NOL10: variants seen among roughly 807,000 people sequenced by gnomAD.
The protein encoded by NOL10 is H_NH0074G24.1.
A neutral mutation model predicts 103.5 loss-of-function variants in NOL10; 58 were observed. The observed-to-expected ratio is 0.56, with a 90% CI of 0.45 to 0.70. NOL10 has a LOEUF of 0.70. Among genes scored for constraint, NOL10 ranks in the 30% least tolerant of loss-of-function variants. The pLI, the probability that NOL10 is intolerant of heterozygous loss-of-function variation, is 0.00. For synonymous variants in NOL10, 287 were observed against 282.5 expected, an observed-to-expected ratio of 1.02 and a Z score of -0.16; for missense variants, 763 against 807.3, an observed-to-expected ratio of 0.95 and a Z score of 0.67.
chr2:10,588,900 A>T, intron 19 of NOL10, 143 bp downstream of exon 19: 1 of 1,260,054 alleles, frequency 7.9e-7, no homozygotes, highest in Non-Finnish European at 1.1e-6. Context: ...GCACGGCCTT[A>T]CCTCCCCTGC....
At chr2:10,601,088 G>A (rs1279190770) in intron 16 of NOL10, 146 bp from the exon 17 acceptor site, 3 of 517,906 alleles carry the variant, frequency 5.8e-6, no homozygotes, top group Non-Finnish European at 9.8e-6. Flanking sequence ...TTTTGAGATG[G>A]AGTCTCGCTC....
At chr2:10,659,506 A>G (rs1680054936) in intron 9 of NOL10, among the ~76,000 whole-genome samples, 2 of 148,114 alleles carry the variant, frequency 1.4e-5, no homozygotes, top group Admixed American at 6.8e-5. Flanking sequence ...GTGAGACACC[A>G]TCTCTACAAA....
At position 10,675,787 on chromosome 2, in the gene NOL10, T is replaced by C; in HGVS notation, c.289+7A>G. The C allele has an allele frequency of 6.6e-7, 1 of 1,510,426 alleles. No individual in the cohort carries two copies. The highest frequency in any genetic ancestry group is 9.0e-7 in the Non-Finnish European group (1 of 1,115,094). The allele number at this position is 1,510,426 out of a possible 1,614,324, so 93.6% of individuals were successfully genotyped here. A position where few individuals can be genotyped will look rare whatever the true frequency, so the allele number is the denominator to read the frequency against. ...TTTCATGAATTCAAATTTAGCTTTT[T>C]ACTCACCTTCTGAATCTAAACACCT... On this transcript the variant is annotated splice_region_variant and intron_variant, in intron 4 of 20. Transcript: ENST00000381685.
At chr2:10,598,695 G>GT (rs1675826086) in intron 17 of NOL10, among the ~76,000 whole-genome samples, 1 of 152,194 alleles carries the variant, frequency 6.6e-6, no homozygotes, top group South Asian at 2.1e-4. Context: ...AACTTAGAAA[G>GT]TGAGTATGAC....
Position 10,607,276 on chromosome 2 carries a change from TAAG to T in NOL10, c.1059_1061del (p.Phe353del), listed in dbSNP as rs755838518. ...CTTCTAATTCTTCGGTCAAGTTGTC[TAAG>T]AAGGAACACCACCGAGGAGCAGGAC... On this transcript the variant is annotated inframe_deletion, in exon 14 of 21. Transcript: ENST00000381685. 1 of 1,609,374 alleles carries T rather than the reference TAAG, an allele frequency of 6.2e-7. No homozygotes were observed. Among genetic ancestry groups the T allele is most frequent in the Non-Finnish European group, 8.5e-7 (1 of 1,177,606 alleles).
chr2:10,596,695 A>G (rs6432109), intron 17 of NOL10, among the ~76,000 whole-genome samples: 90,039 of 152,004 alleles, frequency 0.59, 27,702 homozygotes, highest in African/African-American at 0.74. Flanking sequence ...ACCATGGCCT[A>G]GGGGTTGGAG....
chr2:10,683,987 G>A (rs371408310), intron 2 of NOL10, among the ~76,000 whole-genome samples: 44 of 152,166 alleles, frequency 2.9e-4, no homozygotes, highest in African/African-American at 9.6e-4. Flanking sequence ...TTCTTAAGAA[G>A]GAGAAAGGCG....
intron 17 of NOL10, among the ~76,000 whole-genome samples, chr2:10,600,150 T>C (rs977052577): frequency 1.3e-5 from 2 of 152,222 alleles, no homozygotes; most frequent in Non-Finnish European, 1.5e-5. Context: ...CTTGGCTATC[T>C]GCCTGCCTCA....
chr2:10,664,196 C>T (rs996976665), intron 8 of NOL10, among the ~76,000 whole-genome samples: 5 of 151,700 alleles, frequency 3.3e-5, no homozygotes, highest in African/African-American at 4.8e-5. Flanking sequence ...TTTTGAAGGC[C>T]GAGGTAGGTG....
At chr2:10,639,719 T>C (rs1393892265) in intron 13 of NOL10, among the ~76,000 whole-genome samples, 1 of 152,132 alleles carries the variant, frequency 6.6e-6, no homozygotes, top group Non-Finnish European at 1.5e-5. Context: ...TAAATTATGT[T>C]TCAGAGGAAA....
chr2:10,687,969 C>G (rs1248230847), intron 1 of NOL10, among the ~76,000 whole-genome samples: 1 of 152,156 alleles, frequency 6.6e-6, no homozygotes, highest in Non-Finnish European at 1.5e-5. Flanking sequence ...TCCTCTCCAC[C>G]TTTCAATGTG....
At chr2:10,602,736 ACTCTT>A in intron 16 of NOL10, 35 bp downstream of exon 16, 1 of 1,208,332 alleles carries the variant, frequency 8.3e-7, no homozygotes, top group Admixed American at 2.1e-5. Flanking sequence ...GAAATTAAGT[ACTCTT>A]CTCTGATAAA....
intron 10 of NOL10, among the ~76,000 whole-genome samples, chr2:10,658,444 A>G (rs1319102885): frequency 6.6e-6 from 1 of 152,100 alleles, no homozygotes; most frequent in Non-Finnish European, 1.5e-5. Flanking sequence ...AGGGTTTCAG[A>G]CCTCTTGTAG....
chr2:10,602,515 G>A (rs1238850285), intron 16 of NOL10, among the ~76,000 whole-genome samples: 1 of 152,188 alleles, frequency 6.6e-6, no homozygotes, highest in Non-Finnish European at 1.5e-5. Context: ...TCTAGTGGAG[G>A]TGACAATATC....
intron 13 of NOL10, among the ~76,000 whole-genome samples, chr2:10,611,481 G>T (rs1490478334): frequency 6.6e-6 from 1 of 152,204 alleles, no homozygotes; most frequent in Non-Finnish European, 1.5e-5. Context: ...AGGAAAAAGG[G>T]TGAACACTAA....
intron 3 of NOL10, among the ~76,000 whole-genome samples, chr2:10,678,843 C>T (rs577112812): frequency 6.6e-6 from 1 of 152,270 alleles, no homozygotes; most frequent in South Asian, 2.1e-4. Context: ...GAAAGTCAAA[C>T]CAGGACTCTG....
chr2:10,641,333 C>T (rs963142799), intron 13 of NOL10, among the ~76,000 whole-genome samples: 19 of 146,890 alleles, frequency 1.3e-4, no homozygotes, highest in Admixed American at 9.7e-4. Flanking sequence ...ACAAAAACTC[C>T]GTCTCAAAAA....
At chr2:10,631,526 C>T (rs904113937) in intron 13 of NOL10, among the ~76,000 whole-genome samples, 5 of 152,156 alleles carry the variant, frequency 3.3e-5, no homozygotes, top group Admixed American at 3.3e-4. Flanking sequence ...ATCTTCTTAA[C>T]AGAATCACTA....
chr2:10,649,668 T>C (rs1194627855), intron 12 of NOL10, among the ~76,000 whole-genome samples: 1 of 152,142 alleles, frequency 6.6e-6, no homozygotes, highest in Non-Finnish European at 1.5e-5. Context: ...CATTTTTGTT[T>C]ATATTAGTAA....
Sources: allele counts gnomAD v4.1 joint callset (sites outside exome capture counted in the v4.1 genomes callset), GRCh38; gene constraint gnomAD v4.1.1; transcripts MANE v1.5; gene names NCBI Gene and HGNC (gene_info 2026-07-23, HGNC 2026-07-21).